Variants in ITGA8 observed in about 807,000 individuals in gnomAD.
The protein encoded by ITGA8 is integrin alpha-8.
Under a neutral mutation model 142.3 loss-of-function variants are expected in ITGA8, and 91 were observed. That is an observed-to-expected ratio of 0.64 (90% CI 0.54 to 0.76). The LOEUF (loss-of-function observed/expected upper bound fraction) is 0.76, where lower values mean the gene tolerates loss of function less well. Ranked by LOEUF, ITGA8 falls within the 30% of genes least tolerant of loss-of-function variation. The pLI is 0.00. For synonymous variants in ITGA8, 505 were observed against 485.2 expected (o/e 1.04, Z -0.54); for missense variants, 1,406 against 1,327.7 (o/e 1.06, Z -0.92).
At chr10:15,644,336 T>G (rs1030960560) in intron 12 of ITGA8, 115 bp from the exon 13 acceptor site, 1 of 936,548 alleles carries the variant, frequency 1.1e-6, no homozygotes, top group Non-Finnish European at 1.6e-6. Flanking sequence ...GGTGGGATCA[T>G]GGCTCACCGC....
At chr10:15,651,637 G>A (rs112818767) in intron 11 of ITGA8, among the ~76,000 whole-genome samples, 15 of 151,626 alleles carry the variant, frequency 9.9e-5, no homozygotes, top group African/African-American at 2.9e-4. Flanking sequence ...CTACTAGATA[G>A]CCTTGTGTAC....
intron 2 of ITGA8, among the ~76,000 whole-genome samples, chr10:15,700,564 G>A (rs1588735969): frequency 6.6e-6 from 1 of 152,222 alleles, no homozygotes; most frequent in Admixed American, 6.5e-5. Flanking sequence ...AAGATAGATA[G>A]CTGGGACTTA....
chr10:15,678,841 A>C, intron 4 of ITGA8, 58 bp from the exon 5 acceptor site: 1 of 1,096,062 alleles, frequency 9.1e-7, no homozygotes, highest in Non-Finnish European at 1.4e-6. Flanking sequence ...ATATTTTTTA[A>C]TAACCAATTC....
At chr10:15,689,378 C>T (rs543999364) in intron 2 of ITGA8, among the ~76,000 whole-genome samples, 101 of 152,216 alleles carry the variant, frequency 6.6e-4, no homozygotes, top group Non-Finnish European at 1.2e-3. Context: ...TCCGGATGGC[C>T]GCAGAGAGAA....
Position 15,718,878 on chromosome 10 carries a change from C to T in ITGA8, c.231G>A (p.Ala77=). The T allele has an allele frequency of 6.2e-7, 1 of 1,614,022 alleles. No homozygotes were observed. Among genetic ancestry groups the T allele is most frequent in the Non-Finnish European group, 8.5e-7 (1 of 1,180,012 alleles). Residue 77 remains alanine (A), a synonymous_variant, in exon 2 of 30, where the codon GCG becomes GCA. Transcript: ENST00000378076. The stretch of plus-strand genomic sequence containing the variant: ...CGGGCTGGCTGGTGTTGGCTTTGGG[C>T]GCCCCCACCAAGACACTCGCTCTGC... ...DARTASVLVG[A]PKANTSQPDI...
At chr10:15,544,786 G>T (rs1336378897) in intron 27 of ITGA8, among the ~76,000 whole-genome samples, 1 of 152,206 alleles carries the variant, frequency 6.6e-6, no homozygotes, top group African/African-American at 2.4e-5. Context: ...GGAAATAACA[G>T]AAAGTGGCTT....
At chr10:15,535,232 C>A (rs1230971332) in intron 27 of ITGA8, among the ~76,000 whole-genome samples, 1 of 152,126 alleles carries the variant, frequency 6.6e-6, no homozygotes, top group Non-Finnish European at 1.5e-5. Flanking sequence ...CCTCCGTGGG[C>A]TCCTGTGCAG....
rs141853664 is a variant in ITGA8, at chr10:15,531,289, CT to C, written c.2881-139del. On this transcript the variant is annotated intron_variant, in intron 27 of 29. Coordinates refer to ENST00000378076, the MANE Select transcript of ITGA8 (RefSeq NM_003638.3). The stretch of plus-strand genomic sequence containing the variant: ...TCCTTTTTAATTTTCTCTCTTTTAA[CT>C]TTTTTTTCCTCCCACCCAAGCATTC... 2,360 of 463,008 alleles carry C rather than the reference CT, an allele frequency of 5.1e-3. 52 individuals carry two copies. Among genetic ancestry groups the C allele is most frequent in the African/African-American group, 0.044 (2,147 of 48,556 alleles). The allele number at this position is 463,008 out of a possible 1,614,324, so 28.7% of individuals were successfully genotyped here.
At chr10:15,541,312 G>A (rs976063190) in intron 27 of ITGA8, among the ~76,000 whole-genome samples, 1 of 152,166 alleles carries the variant, frequency 6.6e-6, no homozygotes, top group Non-Finnish European at 1.5e-5. Flanking sequence ...AATGCTCATG[G>A]GCTAAGCCCC....
At chr10:15,547,677 T>C (rs1422143253) in intron 27 of ITGA8, among the ~76,000 whole-genome samples, 1 of 152,194 alleles carries the variant, frequency 6.6e-6, no homozygotes, top group Non-Finnish European at 1.5e-5. Flanking sequence ...CTGTAAATCA[T>C]ACTCACGTAC....
At chr10:15,650,613 A>G (rs1250556851) in intron 11 of ITGA8, among the ~76,000 whole-genome samples, 1 of 152,198 alleles carries the variant, frequency 6.6e-6, no homozygotes, top group Non-Finnish European at 1.5e-5. Flanking sequence ...CAGAAGTATA[A>G]GAAATAAATT....
intron 27 of ITGA8, among the ~76,000 whole-genome samples, chr10:15,534,398 G>A (rs925296088): frequency 1.3e-5 from 2 of 152,132 alleles, no homozygotes; most frequent in African/African-American, 4.8e-5. Flanking sequence ...ATGATACAAA[G>A]ATGCAAGGCA....
intron 28 of ITGA8, among the ~76,000 whole-genome samples, chr10:15,523,863 C>T (rs957626394): frequency 6.6e-6 from 1 of 151,820 alleles, no homozygotes; most frequent in Non-Finnish European, 1.5e-5. Flanking sequence ...ACCTGGGAGG[C>T]AGAGGTTGCA....
At position 15,719,917 on chromosome 10, in the gene ITGA8, G is replaced by A. The variant is rs1835533882; in HGVS notation, c.-146C>T. 15 of 585,438 alleles carry A rather than the reference G, an allele frequency of 2.6e-5. No individual in the cohort carries two copies. Among genetic ancestry groups the A allele is most frequent in the Non-Finnish European group, 3.8e-5 (15 of 395,140 alleles). 36.3% of individuals were successfully genotyped at this position (585,438 alleles called of 1,614,324 possible). ...GGCGCACCCGTGGTGACAGTGCCCGGCGTCTGCTCCCACCCGCCCGCCCGC... is the reference window on the plus strand; with the variant it reads ...GGCGCACCCGTGGTGACAGTGCCCGACGTCTGCTCCCACCCGCCCGCCCGC... On this transcript the variant is annotated 5_prime_UTR_variant, in exon 1 of 30. Transcript: ENST00000378076.
chr10:15,575,217 C>T (rs576856147), intron 24 of ITGA8, among the ~76,000 whole-genome samples: 25 of 152,042 alleles, frequency 1.6e-4, no homozygotes, highest in Non-Finnish European at 2.5e-4. Context: ...GGCAAAACCC[C>T]GTCTCTAGAA....
At position 15,572,194 on chromosome 10, in the gene ITGA8, T is replaced by C; in HGVS notation, c.2637+17A>G. ...AAAATAAAATCAACAAAGCCACTGA[T>C]TAGACCAGACTCCTACCTTTATATC... On this transcript the variant is annotated intron_variant, in intron 25 of 29. Transcript: ENST00000378076. 2 of 1,593,634 alleles carry C rather than the reference T, an allele frequency of 1.3e-6. No individual in the cohort carries two copies. Among genetic ancestry groups the C allele is most frequent in the East Asian group, 2.2e-5 (1 of 44,644 alleles).
chr10:15,606,183 G>A, intron 18 of ITGA8, 102 bp downstream of exon 18: 1 of 971,862 alleles, frequency 1.0e-6, no homozygotes, highest in Non-Finnish European at 1.5e-6. Flanking sequence ...TCTGCATGCA[G>A]AAGTAAAAAT....
At chr10:15,530,865 A>G (rs533324452) in intron 28 of ITGA8, among the ~76,000 whole-genome samples, 185 bp downstream of exon 28, 33 of 152,360 alleles carry the variant, frequency 2.2e-4, no homozygotes, top group Non-Finnish European at 3.7e-4. Flanking sequence ...ATTTATATTG[A>G]AAGTTCAAAA....
intron 25 of ITGA8, among the ~76,000 whole-genome samples, chr10:15,568,660 T>C (rs551468721): frequency 5.3e-5 from 8 of 152,290 alleles, no homozygotes; most frequent in Admixed American, 3.3e-4. Flanking sequence ...TGCATTTCTC[T>C]TTAGAAATGA....
Sources: allele counts gnomAD v4.1 joint callset (sites outside exome capture counted in the v4.1 genomes callset), GRCh38; gene constraint gnomAD v4.1.1; transcripts MANE v1.5; gene names NCBI Gene and HGNC (gene_info 2026-07-23, HGNC 2026-07-21).